Variants in XPO6 observed in about 807,000 individuals in gnomAD.
XPO6 encodes exportin-6.
In XPO6, 3 loss-of-function variants were observed where a neutral mutation model predicts 130.0. That is an observed-to-expected ratio of 0.02 (90% CI 0.01 to 0.06). XPO6 has a LOEUF of 0.06. Among genes scored for constraint, XPO6 ranks in the 10% least tolerant of loss-of-function variants. XPO6 has a pLI of 1.00. For synonymous variants in XPO6, 524 were observed against 548.9 expected (o/e 0.95, Z 0.63); for missense variants, 970 against 1,393.0 (o/e 0.70, Z 4.83).
In XPO6 at chr16:28,133,830, C is replaced by T. The variant is rs747587065; in HGVS notation, c.1536+11G>A. 10 of 1,613,716 alleles carry T rather than the reference C, an allele frequency of 6.2e-6. No individual in the cohort carries two copies. The African/African-American group carries it at 6.7e-5, about 11-fold the overall frequency. Reference sequence around the variant, plus strand: ...TCGCTACACTCTCCACTCCCCCGGACAGCACATTACCAGTGTGGAGAAGGC... The same window carrying T: ...TCGCTACACTCTCCACTCCCCCGGATAGCACATTACCAGTGTGGAGAAGGC... On this transcript the variant is annotated intron_variant, in intron 11 of 23. Coordinates refer to ENST00000304658, the MANE Select transcript of XPO6 (RefSeq NM_015171.4).
intron 4 of XPO6, among the ~76,000 whole-genome samples, chr16:28,174,401 A>G (rs2043502645): frequency 6.6e-6 from 1 of 152,104 alleles, no homozygotes; most frequent in Admixed American, 6.6e-5. Flanking sequence ...TCATACTTAT[A>G]AATACCTCCA....
chr16:28,131,189 G>A (rs745592894), intron 12 of XPO6, among the ~76,000 whole-genome samples: 5 of 152,204 alleles, frequency 3.3e-5, no homozygotes, highest in Non-Finnish European at 4.4e-5. Context: ...CAAAGTCAGG[G>A]CCTACATTCG....
intron 15 of XPO6, chr16:28,116,909 T>C (rs946216516): frequency 1.2e-5 from 2 of 167,990 alleles, no homozygotes; most frequent in Admixed American, 5.8e-5. Context: ...TGATGCAGGG[T>C]TGCCATAAGC....
rs967871152 is a variant in XPO6, at chr16:28,146,365, C to T, written c.1225-162G>A. 9.9e-6 allele frequency: 6 copies of T among 605,784 alleles called. No homozygotes were observed. The Admixed American group carries it at 1.2e-4, about 12-fold the overall frequency. The allele number at this position is 605,784 out of a possible 1,614,324, so 37.5% of individuals were successfully genotyped here. ...CTGGTGGCTTTTAGTCGGTCTATAC[C>T]ATTGGGCCCTCCTGAACCTTACAAG... On this transcript the variant is annotated intron_variant, in intron 8 of 23. Coordinates refer to ENST00000304658, the MANE Select transcript of XPO6 (RefSeq NM_015171.4).
chr16:28,210,673 T>C (rs7192746), intron 1 of XPO6, among the ~76,000 whole-genome samples: 99 of 150,834 alleles, frequency 6.6e-4, no homozygotes, highest in East Asian at 5.8e-4. Flanking sequence ...TTTAGGGGAG[T>C]ATTGAAAGTA....
At chr16:28,141,016 C>A (rs1052007355) in intron 9 of XPO6, among the ~76,000 whole-genome samples, 27 of 152,222 alleles carry the variant, frequency 1.8e-4, no homozygotes, top group Admixed American at 9.2e-4. Context: ...CCCTGTGGGG[C>A]AGTCAAGAGC....
intron 9 of XPO6, among the ~76,000 whole-genome samples, chr16:28,137,238 C>G (rs997063231): frequency 1.3e-5 from 2 of 152,234 alleles, no homozygotes; most frequent in African/African-American, 4.8e-5. Flanking sequence ...GAGATCTGAA[C>G]CCTAGTTGCT....
Position 28,106,304 on chromosome 16 carries a change from GC to G in XPO6, c.2612+78del. ...ATGCTGTGGCAAGTGCAGAACAGGA[GC>G]AAAAAGCCACACTTTGTCGCCAGAC... On this transcript the variant is annotated intron_variant, in intron 19 of 23. Coordinates refer to ENST00000304658, the MANE Select transcript of XPO6 (RefSeq NM_015171.4). The surrounding 1 kb of genome is among the most constrained non-coding windows in gnomAD (Gnocchi z 4.2). 6.2e-7 allele frequency: 1 copy of G among 1,606,760 alleles called. No homozygotes were observed. Among genetic ancestry groups the G allele is most frequent in the Non-Finnish European group, 8.5e-7 (1 of 1,174,458 alleles).
chr16:28,124,946 T>G (rs1361544919), intron 13 of XPO6, among the ~76,000 whole-genome samples: 1 of 152,212 alleles, frequency 6.6e-6, no homozygotes, highest in Non-Finnish European at 1.5e-5. Flanking sequence ...CTACTCAGTT[T>G]TGATCTAACC....
intron 9 of XPO6, among the ~76,000 whole-genome samples, chr16:28,136,352 T>C (rs2042774893): frequency 6.6e-6 from 1 of 152,294 alleles, no homozygotes; most frequent in African/African-American, 2.4e-5. Context: ...CCCGAGTGGC[T>C]GGGATTACAG....
At chr16:28,151,694 C>T (rs1394745465) in intron 8 of XPO6, among the ~76,000 whole-genome samples, 4 of 152,142 alleles carry the variant, frequency 2.6e-5, no homozygotes, top group African/African-American at 9.7e-5. Flanking sequence ...GATTTATGCA[C>T]TTTTCTGTAT....
chr16:28,115,259 A>G (rs2087025018), intron 15 of XPO6, among the ~76,000 whole-genome samples: 1 of 152,220 alleles, frequency 6.6e-6, no homozygotes, highest in African/African-American at 2.4e-5. Flanking sequence ...ACCACCATCT[A>G]TGGCAGCTAT....
intron 17 of XPO6, 30 bp downstream of exon 17, chr16:28,111,787 C>T: frequency 2.5e-6 from 4 of 1,606,450 alleles, no homozygotes; most frequent in Non-Finnish European, 3.4e-6. Flanking sequence ...TACCTCCTTC[C>T]CCAGCTGTCC....
At chr16:28,111,685 C>T (rs2086925207) in intron 17 of XPO6, 132 bp downstream of exon 17, 1 of 946,572 alleles carries the variant, frequency 1.1e-6, no homozygotes, top group Non-Finnish European at 1.5e-6. Flanking sequence ...AGTATGACTT[C>T]CTGCTCAGCC....
chr16:28,153,102 G>A (rs533755515), intron 7 of XPO6: 2 of 1,045,002 alleles, frequency 1.9e-6, no homozygotes, highest in Non-Finnish European at 2.3e-6. Context: ...AAAGTTGATG[G>A]GCAGATCACT....
chr16:28,107,540 C>A lies in XPO6; in HGVS notation c.2479G>T (p.Ala827Ser). The A allele has an allele frequency of 1.9e-6, 3 of 1,614,160 alleles. No individual in the cohort carries two copies. The highest frequency in any genetic ancestry group is 2.5e-6 in the Non-Finnish European group (3 of 1,180,036). The change falls in exon 18 of 24, where the codon GCT becomes TCT. Residue 827 changes from alanine to serine, a missense_variant. Transcript: ENST00000304658. Reference sequence around the variant, plus strand: ...CTCCTACCTGACTGATGGATAAAAGCTGGAAAGAGGGCCAGGGAGACCTGA... The same window carrying A: ...CTCCTACCTGACTGATGGATAAAAGATGGAAAGAGGGCCAGGGAGACCTGA... ...SVQVSLALFP[A>S]FIHQSDVTDE...
At chr16:28,108,075 GTGTCA>G (rs2086826181) in intron 17 of XPO6, among the ~76,000 whole-genome samples, 1 of 152,136 alleles carries the variant, frequency 6.6e-6, no homozygotes. Context: ...GAGAAAATGA[GTGTCA>G]TAAGGTCACA....
intron 12 of XPO6, among the ~76,000 whole-genome samples, chr16:28,131,268 A>G (rs1346596944): frequency 6.6e-6 from 1 of 152,150 alleles, no homozygotes; most frequent in African/African-American, 2.4e-5. Flanking sequence ...AGTCATGGAA[A>G]CCAGCCGTCA....
chr16:28,183,369 C>A (rs1007875671), intron 1 of XPO6: 2 of 147,148 alleles, frequency 1.4e-5, no homozygotes, highest in African/African-American at 5.0e-5. Context: ...CAGTCAGTTA[C>A]AGATCCAACT....
Sources: allele counts gnomAD v4.1 joint callset (sites outside exome capture counted in the v4.1 genomes callset), GRCh38; gene constraint gnomAD v4.1.1; non-coding constraint Gnocchi (gnomAD v3.1); transcripts MANE v1.5; gene names NCBI Gene and HGNC (gene_info 2026-07-23, HGNC 2026-07-21).